Variants in SUCLG1 observed in about 807,000 individuals in gnomAD.
SUCLG1 encodes succinate--CoA ligase [ADP/GDP-forming] subunit alpha, mitochondrial.
In SUCLG1, 26 loss-of-function variants were observed where a neutral mutation model predicts 37.3. That is an observed-to-expected ratio of 0.70 (90% confidence interval 0.51 to 0.97). SUCLG1 has a LOEUF of 0.97. Among genes scored for constraint, SUCLG1 ranks in the 50% least tolerant of loss-of-function variants. The pLI is 0.00. For missense variants in SUCLG1, 433 were observed against 432.9 expected (o/e 1.00, Z 0.00); for synonymous variants, 163 against 155.6 (o/e 1.05, Z -0.36).
intron 4 of SUCLG1, 44 bp downstream of exon 4, chr2:84,441,202 TG>T (rs760848966): frequency 5.3e-5 from 85 of 1,613,406 alleles, no homozygotes; most frequent in African/African-American, 1.3e-5. Flanking sequence ...TGTTTAGCCT[TG>T]TGAGAGGCTT....
At chr2:84,436,079 T>C (rs991630275) in intron 5 of SUCLG1, among the ~76,000 whole-genome samples, 3 of 152,336 alleles carry the variant, frequency 2.0e-5, no homozygotes, top group Non-Finnish European at 4.4e-5. Flanking sequence ...GCTCATTTCT[T>C]GTCAACTCTT....
intron 6 of SUCLG1, 84 bp downstream of exon 6, chr2:84,433,268 A>C (rs758456754): frequency 1.7e-6 from 2 of 1,190,034 alleles, no homozygotes; most frequent in Non-Finnish European, 2.5e-6. Flanking sequence ...ATCTTTTGCA[A>C]ATAATAAAAT....
intron 1 of SUCLG1, among the ~76,000 whole-genome samples, chr2:84,451,762 T>A (rs1672946402): frequency 6.6e-6 from 1 of 152,186 alleles, no homozygotes; most frequent in African/African-American, 2.4e-5. Context: ...TAACTAAATC[T>A]TGGGAAACCT....
intron 2 of SUCLG1, among the ~76,000 whole-genome samples, chr2:84,448,495 A>T (rs964408771): frequency 6.8e-6 from 1 of 147,122 alleles, no homozygotes; most frequent in Non-Finnish European, 1.5e-5. Flanking sequence ...TTTTAATTAC[A>T]GAAAAATCAT....
chr2:84,433,706 A>G (rs1020733667), intron 5 of SUCLG1: 9 of 457,628 alleles, frequency 2.0e-5, no homozygotes, highest in African/African-American at 1.8e-4. Flanking sequence ...AAAGACTTAA[A>G]TTACCTCTTC....
intron 3 of SUCLG1, among the ~76,000 whole-genome samples, chr2:84,442,059 G>GA (rs1405427259): frequency 2.0e-5 from 3 of 151,240 alleles, no homozygotes; most frequent in Non-Finnish European, 4.4e-5. Context: ...CAGAACGGGT[G>GA]AAAAATAAAC....
chr2:84,452,277 G>A (rs111501974), intron 1 of SUCLG1, among the ~76,000 whole-genome samples: 68 of 151,910 alleles, frequency 4.5e-4, no homozygotes, highest in African/African-American at 1.5e-3. Context: ...AGGTGGGGAG[G>A]GTGACAAAGC....
chr2:84,431,954 G>T (rs1672619835), intron 6 of SUCLG1, among the ~76,000 whole-genome samples: 1 of 152,052 alleles, frequency 6.6e-6, no homozygotes, highest in Admixed American at 6.5e-5. Flanking sequence ...AGCCTCTTCT[G>T]TCCCACAAAA....
intron 2 of SUCLG1, among the ~76,000 whole-genome samples, chr2:84,446,398 G>A (rs903005925): frequency 1.3e-5 from 2 of 152,128 alleles, no homozygotes; most frequent in Non-Finnish European, 1.5e-5. Flanking sequence ...AAAAATGAAC[G>A]AATCTATGTG....
intron 3 of SUCLG1, among the ~76,000 whole-genome samples, chr2:84,442,244 C>T (rs17025051): frequency 0.024 from 3,610 of 151,134 alleles, 143 homozygotes; most frequent in African/African-American, 0.082. Context: ...AACATCTCCT[C>T]TCTATATTTT....
chr2:84,457,145 T>C (rs1168202788), intron 1 of SUCLG1, among the ~76,000 whole-genome samples: 2 of 152,186 alleles, frequency 1.3e-5, no homozygotes, highest in African/African-American at 4.8e-5. Context: ...GTAGCTCTAT[T>C]AGCTTCACAG....
chr2:84,457,021 C>T (rs958198331), intron 1 of SUCLG1, among the ~76,000 whole-genome samples: 1 of 152,162 alleles, frequency 6.6e-6, no homozygotes, highest in African/African-American at 2.4e-5. Context: ...CCAGTGTTCA[C>T]TTGAGTTTTT....
chr2:84,433,579 C>T (rs1451060926), intron 5 of SUCLG1, 144 bp from the exon 6 acceptor site: 1 of 714,578 alleles, frequency 1.4e-6, no homozygotes, highest in Non-Finnish European at 2.5e-6. Context: ...ATAGTATCTT[C>T]AAACGATGAA....
rs1672521714 is a variant in SUCLG1 at position 84,425,514 on chromosome 2, A to G, written c.915T>C (p.Ala305=). 1 of 1,614,204 alleles carries G rather than the reference A, an allele frequency of 6.2e-7. No individual in the cohort carries two copies. Among genetic ancestry groups the G allele is most frequent in the Admixed American group, 1.7e-5 (1 of 60,026 alleles). The change falls in exon 8 of 9, where the codon GCT becomes GCC. Residue 305 remains alanine (A), a synonymous_variant. Transcript: ENST00000393868. Reference sequence around the variant, plus strand: ...TCTCTTTAGCTCCACCTTTTCCTCCAGCAATAATTGCCCCGGCATGACCCA... The same window carrying G: ...TCTCTTTAGCTCCACCTTTTCCTCCGGCAATAATTGCCCCGGCATGACCCA... ...RRMGHAGAII[A]GGKGGAKEKI... is the part of the protein sequence containing the mutation.
intron 5 of SUCLG1, 131 bp downstream of exon 5, chr2:84,440,916 A>G: frequency 2.3e-6 from 2 of 885,828 alleles, no homozygotes; most frequent in Non-Finnish European, 3.7e-6. Flanking sequence ...TAGACTACAA[A>G]ACTTCCCTGG....
intron 7 of SUCLG1, among the ~76,000 whole-genome samples, chr2:84,428,688 G>C (rs1672571709): frequency 6.6e-6 from 1 of 152,180 alleles, no homozygotes; most frequent in South Asian, 2.1e-4. Context: ...TAAGTGGAGA[G>C]AACTACAACT....
rs776695932 is a variant in SUCLG1, at chr2:84,441,259, A to G, written c.519T>C (p.Pro173=). The G allele has an allele frequency of 2.5e-6, 4 of 1,614,014 alleles. No individual in the cohort carries two copies. The highest frequency in any genetic ancestry group is 2.7e-5 in the African/African-American group (2 of 74,896). ...TTTTTGCACTCACATTGATGACTCC[A>G]GGGCAGTTGGGCCCAATTAGCCTTG... ...EKTRLIGPNC[P]GVINPGECKI... is the part of the protein sequence containing the mutation. The change falls in exon 4 of 9, where the codon CCT becomes CCC. Residue 173 remains proline (P), a synonymous_variant. Coordinates refer to ENST00000393868, the MANE Select transcript of SUCLG1 (RefSeq NM_003849.4).
intron 8 of SUCLG1, among the ~76,000 whole-genome samples, chr2:84,424,681 T>C (rs1409162371): frequency 6.6e-6 from 1 of 152,116 alleles, no homozygotes; most frequent in Non-Finnish European, 1.5e-5. Context: ...GTTTTTTGCT[T>C]TTTGTGTGTG....
At chr2:84,452,736 ACTC>A (rs1346245601) in intron 1 of SUCLG1, among the ~76,000 whole-genome samples, 2 of 152,024 alleles carry the variant, frequency 1.3e-5, no homozygotes, top group Admixed American at 1.3e-4. Flanking sequence ...CTAACTGTAA[ACTC>A]CATGAGTGTC....
Sources: allele counts gnomAD v4.1 joint callset (sites outside exome capture counted in the v4.1 genomes callset), GRCh38; gene constraint gnomAD v4.1.1; transcripts MANE v1.5; gene names NCBI Gene and HGNC (gene_info 2026-07-23, HGNC 2026-07-21).